Variants in GDA observed in about 807,000 individuals in gnomAD.
The protein encoded by GDA is guanine deaminase, also known as cytoplasmic PSD-95 interactor.
GDA carries 18 observed loss-of-function variants against 59.6 expected under a neutral mutation model. That is an observed-to-expected ratio of 0.30 (90% CI 0.21 to 0.45). GDA has a LOEUF of 0.45. Among genes scored for constraint, GDA ranks in the 20% least tolerant of loss-of-function variants. The pLI is 1.00. For synonymous variants in GDA, 201 were observed against 201.1 expected, an observed-to-expected ratio of 1.00 and a Z score of 0.00; for missense variants, 427 against 552.3, an observed-to-expected ratio of 0.77 and a Z score of 2.27.
At chr9:72,176,600 A>G (rs1830565471) in intron 1 of GDA, among the ~76,000 whole-genome samples, 1 of 152,118 alleles carries the variant, frequency 6.6e-6, no homozygotes, top group African/African-American at 2.4e-5. Context: ...GCCACTTCCA[A>G]CTACGAGGAG....
chr9:72,195,519 C>A lies in GDA; in HGVS notation c.143C>A (p.Ala48Glu). 6.5e-7 allele frequency: 1 copy of A among 1,527,480 alleles called. No individual in the cohort carries two copies. Among genetic ancestry groups the A allele is most frequent in the Non-Finnish European group, 9.0e-7 (1 of 1,108,790 alleles). 94.6% of individuals were successfully genotyped at this position (1,527,480 alleles called of 1,614,324 possible). The change falls in exon 2 of 14, where the codon GCA becomes GAA. Residue 48 changes from alanine (A) to glutamate (E), a missense_variant. By Grantham distance (107) the Ala-to-Glu change is moderately radical (BLOSUM62 -1). Coordinates refer to ENST00000358399, the MANE Select transcript of GDA (RefSeq NM_004293.5). ...TTAAAGATAGTGTTTTTAGAAGAAG[C>A]ATCTCAACAGGAAAAACTGGCCAAA... ...DSGKIVFLEE[A>E]SQQEKLAKEW... is the part of the protein sequence containing the mutation.
intron 10 of GDA, among the ~76,000 whole-genome samples, chr9:72,232,775 G>A (rs896475890): frequency 3.3e-5 from 5 of 152,170 alleles, no homozygotes; most frequent in Non-Finnish European, 7.3e-5. Flanking sequence ...GTAAGACCTT[G>A]AGAAAATTAA....
intron 1 of GDA, among the ~76,000 whole-genome samples, chr9:72,156,329 T>TTC (rs1332241530): frequency 6.6e-6 from 1 of 151,700 alleles, no homozygotes; most frequent in Non-Finnish European, 1.5e-5. Context: ...GGAGGAAGAG[T>TTC]TCTTTCTCAC....
chr9:72,155,492 C>T (rs1827788639), intron 1 of GDA, among the ~76,000 whole-genome samples: 1 of 152,100 alleles, frequency 6.6e-6, no homozygotes. Flanking sequence ...GTTGAGAGAA[C>T]TGCCTGTGAC....
intron 1 of GDA, among the ~76,000 whole-genome samples, chr9:72,127,129 A>G (rs1183355659): frequency 1.3e-5 from 2 of 152,040 alleles, no homozygotes; most frequent in Non-Finnish European, 2.9e-5. Flanking sequence ...CAGAGTTGGC[A>G]TGATCTTGTT....
intron 1 of GDA, among the ~76,000 whole-genome samples, chr9:72,174,750 A>G (rs1263018237): frequency 6.7e-6 from 1 of 150,240 alleles, no homozygotes; most frequent in Non-Finnish European, 1.5e-5. Flanking sequence ...GAGGTTATAT[A>G]TATATATATA....
chr9:72,222,889 C>G (rs1229392023), intron 6 of GDA, among the ~76,000 whole-genome samples: 1 of 151,888 alleles, frequency 6.6e-6, no homozygotes, highest in Non-Finnish European at 1.5e-5. Context: ...TATTTTTTAG[C>G]AGAGACAGGG....
At chr9:72,234,631 G>A (rs1420337392) in intron 10 of GDA, among the ~76,000 whole-genome samples, 1 of 152,168 alleles carries the variant, frequency 6.6e-6, no homozygotes. Flanking sequence ...TGGGACAGAT[G>A]CAATAGTCAG....
intron 7 of GDA, 56 bp from the exon 8 acceptor site, chr9:72,225,621 T>A: frequency 1.2e-6 from 1 of 834,880 alleles, no homozygotes. Flanking sequence ...GTAGGAAGTG[T>A]AATTTCTAAT....
At chr9:72,147,309 G>A (rs935901430), upstream of GDA, among the ~76,000 whole-genome samples, 1 of 152,214 alleles carries the variant, frequency 6.6e-6, no homozygotes, top group South Asian at 2.1e-4. Flanking sequence ...CGGGGTTCAA[G>A]CAATTTTCCT....
intron 10 of GDA, among the ~76,000 whole-genome samples, chr9:72,239,008 C>T (rs943919457): frequency 2.0e-5 from 3 of 152,150 alleles, no homozygotes; most frequent in Admixed American, 6.6e-5. Flanking sequence ...TGTAGATATT[C>T]GTGATTTCTC....
intron 8 of GDA, among the ~76,000 whole-genome samples, chr9:72,227,375 C>T (rs925902688): frequency 5.9e-5 from 9 of 152,008 alleles, no homozygotes; most frequent in African/African-American, 1.7e-4. Context: ...AAAATATAAA[C>T]GTAGGTGAGT....
intron 11 of GDA, among the ~76,000 whole-genome samples, chr9:72,241,834 C>T (rs1839645461): frequency 6.6e-6 from 1 of 152,148 alleles, no homozygotes; most frequent in South Asian, 2.1e-4. Flanking sequence ...GTAGAGGCTG[C>T]AGTGAGCAGT....
At chr9:72,190,523 C>T (rs913906055) in intron 1 of GDA, among the ~76,000 whole-genome samples, 1 of 152,034 alleles carries the variant, frequency 6.6e-6, no homozygotes, top group African/African-American at 2.4e-5. Flanking sequence ...TTGATTATGT[C>T]GATTATGTTA....
intron 1 of GDA, among the ~76,000 whole-genome samples, chr9:72,116,101 G>A (rs976251481): frequency 6.6e-6 from 1 of 151,942 alleles, no homozygotes; most frequent in African/African-American, 2.4e-5. Flanking sequence ...GGCTGTGATG[G>A]TGCATGCCTG....
chr9:72,197,907 C>T (rs969481846), intron 2 of GDA, among the ~76,000 whole-genome samples: 1 of 152,032 alleles, frequency 6.6e-6, no homozygotes, highest in African/African-American at 2.4e-5. Context: ...GAAATCACAA[C>T]TGGAGTACCA....
intron 12 of GDA, among the ~76,000 whole-genome samples, chr9:72,245,811 A>G (rs1011651850): frequency 6.6e-6 from 1 of 152,098 alleles, no homozygotes; most frequent in Non-Finnish European, 1.5e-5. Flanking sequence ...TTTTAATTTT[A>G]TAAGAAAATG....
rs139862403 is a variant in GDA at position 72,247,899 on chromosome 9, A to G, written c.1295-373A>G. Among the ~76,000 whole-genome samples, 6 of 152,326 alleles carry G rather than the reference A, an allele frequency of 3.9e-5. No homozygotes were observed. The East Asian group carries it at 7.7e-4, about 20-fold the overall frequency. ...GTGAGCCCAGGACTGAGTGAACTCA[A>G]GATGGAAAGATGCATGTGTTACTTC... On this transcript the variant is annotated intron_variant, in intron 13 of 13. Transcript: ENST00000358399.
intron 1 of GDA, among the ~76,000 whole-genome samples, chr9:72,132,697 C>A (rs1314677647): frequency 1.3e-5 from 2 of 152,138 alleles, no homozygotes; most frequent in Non-Finnish European, 1.5e-5. Flanking sequence ...CTGAGAGACT[C>A]CCAGACTATT....
Sources: allele counts gnomAD v4.1 joint callset (sites outside exome capture counted in the v4.1 genomes callset), GRCh38; gene constraint gnomAD v4.1.1; transcripts MANE v1.5; gene names NCBI Gene and HGNC (gene_info 2026-07-23, HGNC 2026-07-21).